The following CACNA1A variants were observed in gnomAD, a reference collection of about 807,000 sequenced individuals.
The protein encoded by CACNA1A is calcium voltage-gated channel subunit alpha1 A, also known as voltage-dependent P/Q-type calcium channel subunit alpha-1A.
Under a neutral mutation model 262.4 loss-of-function variants are expected in CACNA1A, and 57 were observed. The ratio of observed to expected loss-of-function variants is 0.22; its 90% confidence interval spans 0.18 to 0.27. The LOEUF (loss-of-function observed/expected upper bound fraction) is 0.27. Among genes scored for constraint, CACNA1A ranks in the 10% least tolerant of loss-of-function variants. CACNA1A has a pLI of 1.00. For missense variants in CACNA1A, 2,526 were observed against 3,562.8 expected (o/e 0.71, Z 7.41); for synonymous variants, 1,431 against 1,419.3 (o/e 1.01, Z -0.18).
chr19:13,421,938 G>C (rs1372248074), intron 3 of CACNA1A, among the ~76,000 whole-genome samples: 12 of 152,146 alleles, frequency 7.9e-5, no homozygotes, highest in Non-Finnish European at 1.5e-5. Flanking sequence ...ACAGCAAAGG[G>C]TGGAAAGAAG....
intron 27 of CACNA1A, chr19:13,258,463 T>C (rs149703159): frequency 2.0e-5 from 3 of 152,378 alleles, no homozygotes; most frequent in African/African-American, 7.2e-5. Flanking sequence ...TGTGTATTCA[T>C]GATGACAATT....
chr19:13,306,296 C>T (rs1298046496), intron 15 of CACNA1A, among the ~76,000 whole-genome samples: 1 of 152,178 alleles, frequency 6.6e-6, no homozygotes, highest in Non-Finnish European at 1.5e-5. Context: ...CACATGGGTG[C>T]AGAAGTTGCT....
intron 3 of CACNA1A, among the ~76,000 whole-genome samples, chr19:13,390,631 A>T (rs1164978611): frequency 1.3e-5 from 2 of 152,182 alleles, no homozygotes; most frequent in Admixed American, 6.5e-5. Context: ...TATAACAAAC[A>T]GCAGTTAGAA....
In CACNA1A at chr19:13,211,992, C is replaced by T. The variant is rs921991669; in HGVS notation, c.6303+111G>A. On this transcript the variant is annotated intron_variant, in intron 43 of 46. Transcript: ENST00000360228. ...TTCAGAGACTGAAGGAGTCCCTACC[C>T]AGGCCTGAGTCCGGCAGGGAGGGGA... 3.8e-5 allele frequency: 27 copies of T among 706,456 alleles called. No homozygotes were observed. The South Asian group carries it at 4.2e-4, about 11-fold the overall frequency. The allele number at this position is 706,456 out of a possible 1,614,324, so 43.8% of individuals were successfully genotyped here.
chr19:13,216,546 T>C (rs1483658454), intron 38 of CACNA1A, among the ~76,000 whole-genome samples: 1 of 152,048 alleles, frequency 6.6e-6, no homozygotes, highest in African/African-American at 2.4e-5. Context: ...CAGGCTGGTC[T>C]CGAACTCCTG....
At chr19:13,229,704 C>T (rs186084280) in intron 36 of CACNA1A, 109 of 170,390 alleles carry the variant, frequency 6.4e-4, no homozygotes, top group Non-Finnish European at 9.2e-4. Flanking sequence ...CCTCCCCACA[C>T]TCTCAAGAGA....
intron 1 of CACNA1A, among the ~76,000 whole-genome samples, chr19:13,504,979 T>A (rs555305181): frequency 6.6e-6 from 1 of 151,694 alleles, no homozygotes; most frequent in Admixed American, 6.6e-5. Flanking sequence ...AAAAAAAAAA[T>A]TTAAAAGGCA....
chr19:13,295,158 T>C (rs1296343484), intron 19 of CACNA1A, among the ~76,000 whole-genome samples: 2 of 152,196 alleles, frequency 1.3e-5, no homozygotes, highest in African/African-American at 2.4e-5. Flanking sequence ...GAGCTTAGAA[T>C]ATAGTAGGCA....
At chr19:13,302,639 C>T (rs1417515072) in intron 17 of CACNA1A, among the ~76,000 whole-genome samples, 3 of 152,242 alleles carry the variant, frequency 2.0e-5, no homozygotes, top group Non-Finnish European at 4.4e-5. Context: ...CCCTCCTGCA[C>T]CAGCCCCTAA....
At chr19:13,319,349 TTCA>T (rs746158297) in intron 10 of CACNA1A, among the ~76,000 whole-genome samples, 33 of 152,222 alleles carry the variant, frequency 2.2e-4, no homozygotes, top group Non-Finnish European at 4.0e-4. Flanking sequence ...CATTAGCACA[TTCA>T]TCATTTATCC....
chr19:13,248,436 GAA>G (rs2056309614), intron 30 of CACNA1A, among the ~76,000 whole-genome samples: 1 of 132,870 alleles, frequency 7.5e-6, no homozygotes, highest in Non-Finnish European at 1.6e-5. Context: ...AAAAAAAAGA[GAA>G]AGCAGAGGGG....
At chr19:13,411,490 G>A (rs1334985564) in intron 3 of CACNA1A, among the ~76,000 whole-genome samples, 1 of 152,162 alleles carries the variant, frequency 6.6e-6, no homozygotes, top group Non-Finnish European at 1.5e-5. Flanking sequence ...TGTAAGACAT[G>A]CCTTTACTTC....
At chr19:13,452,653 C>A in intron 3 of CACNA1A, 1 of 424,776 alleles carries the variant, frequency 2.4e-6, no homozygotes, top group Non-Finnish European at 4.2e-6. Context: ...CTGGAAGCAG[C>A]CAACAATAAT....
intron 29 of CACNA1A, 104 bp from the exon 30 acceptor site, chr19:13,253,205 A>T (rs1365755866): frequency 1.5e-6 from 1 of 671,476 alleles, no homozygotes; most frequent in East Asian, 2.7e-5. Flanking sequence ...CTCCAGCCCC[A>T]GGCAAGGTCT....
At chr19:13,391,063 T>C (rs1431945897) in intron 3 of CACNA1A, among the ~76,000 whole-genome samples, 1 of 152,116 alleles carries the variant, frequency 6.6e-6, no homozygotes, top group Non-Finnish European at 1.5e-5. Flanking sequence ...ATTTTTTGTA[T>C]TTTAGTAGAG....
chr19:13,310,509 T>TATATATATATAA (rs2058009407), intron 12 of CACNA1A, among the ~76,000 whole-genome samples: 1 of 35,812 alleles, frequency 2.8e-5, no homozygotes, highest in Non-Finnish European at 4.2e-5. Context: ...TATATATATA[T>TATATATATATAA]ATATGTAGAG....
At chr19:13,373,934 G>A (rs1198197805) in intron 3 of CACNA1A, among the ~76,000 whole-genome samples, 5 of 152,220 alleles carry the variant, frequency 3.3e-5, no homozygotes, top group African/African-American at 7.2e-5. Context: ...TGTTGCAGGT[G>A]TGATGCCTTC....
In CACNA1A at chr19:13,214,458, C is replaced by T. The variant is rs750093351; in HGVS notation, c.5839+43G>A. The stretch of plus-strand genomic sequence containing the variant: ...GCCTCCCCTTTCCCTCCCCCTCCAT[C>T]TGTCCTGGTGGATTGGATCCCAGGG... On this transcript the variant is annotated intron_variant, in intron 39 of 46. Transcript: ENST00000360228. This position sits in a 1 kb window ranked among gnomAD's most constrained non-coding sequence, Gnocchi z 4.1. 1.3e-6 allele frequency: 2 copies of T among 1,571,806 alleles called. No individual in the cohort carries two copies. Among genetic ancestry groups the T allele is most frequent in the Non-Finnish European group, 1.7e-6 (2 of 1,144,248 alleles).
chr19:13,396,324 A>G (rs1222373190), intron 3 of CACNA1A, among the ~76,000 whole-genome samples: 3 of 152,198 alleles, frequency 2.0e-5, no homozygotes, highest in African/African-American at 7.2e-5. Flanking sequence ...TTGCTTCTCA[A>G]CTGCTCCTTT....
Sources: gnomAD v4.1 joint callset for allele counts (sites outside exome capture counted in the v4.1 genomes callset) on GRCh38, gnomAD v4.1.1 for gene constraint, Gnocchi (gnomAD v3.1) non-coding constraint, MANE v1.5 for transcripts, NCBI Gene and HGNC (gene_info 2026-07-23, HGNC 2026-07-21) for gene names.